The following ESRRB variants were observed in gnomAD, a reference collection of about 807,000 sequenced individuals.
ESRRB encodes estrogen related receptor beta.
In ESRRB, 16 loss-of-function variants were observed where a neutral mutation model predicts 46.0. That is an observed-to-expected ratio of 0.35 (90% confidence interval 0.24 to 0.53). The LOEUF is 0.53. Ranked by LOEUF, ESRRB falls within the 20% of genes least tolerant of loss-of-function variation. The pLI, the probability that ESRRB is intolerant of heterozygous loss-of-function variation, is 0.93. For missense variants in ESRRB, 488 were observed against 607.4 expected, an observed-to-expected ratio of 0.80 and a Z score of 2.07; for synonymous variants, 246 against 259.6, an observed-to-expected ratio of 0.95 and a Z score of 0.50.
chr14:76,498,315 T>C lies in ESRRB; in HGVS notation c.1222T>C (p.Trp408Arg), dbSNP rs2140063226. ...YELSQRHEEP[W>R]RTGKLLLTLP... ...GCTGAGCCAGCGCCATGAGGAGCCC[T>C]GGAGGACGGGCAAGCTGCTGCTGAC... Residue 408 changes from tryptophan (W) to arginine (R), a missense_variant, in exon 7 of 7, where the codon TGG becomes CGG. Coordinates refer to ENST00000644823, the MANE Select transcript of ESRRB (RefSeq NM_001379180.1). 3.1e-6 allele frequency: 5 copies of C among 1,610,746 alleles called. No individual in the cohort carries two copies. Among genetic ancestry groups the C allele is most frequent in the Non-Finnish European group, 4.2e-6 (5 of 1,178,596 alleles).
Position 76,499,705 on chromosome 14 carries a change from G to A in ESRRB, c.*1247G>A. The A allele has an allele frequency of 1.4e-6, 1 of 722,268 alleles. No homozygotes were observed. Among genetic ancestry groups the A allele is most frequent in the East Asian group, 2.6e-5 (1 of 37,874 alleles). The allele number at this position is 722,268 out of a possible 1,614,324, so 44.7% of individuals were successfully genotyped here. ...CCTGCAGTCCCCCTGGCTGTGCCAG[G>A]TAACCAACCGTCTTGGTTTGTCCAG... On this transcript the variant is annotated 3_prime_UTR_variant, in exon 7 of 7. Transcript: ENST00000644823.
chr14:76,423,832 TG>T (rs1887080605), intron 1 of ESRRB, among the ~76,000 whole-genome samples: 1 of 151,624 alleles, frequency 6.6e-6, no homozygotes, highest in Admixed American at 6.6e-5. Flanking sequence ...GGTGGGAGCG[TG>T]ATTGGTGTAG....
chr14:76,322,400 G>T (rs1236118925), intron 1 of ESRRB, among the ~76,000 whole-genome samples: 1 of 152,136 alleles, frequency 6.6e-6, no homozygotes, highest in Non-Finnish European at 1.5e-5. Flanking sequence ...AAGTGGCTGC[G>T]TCGCCAGGAG....
intron 1 of ESRRB, among the ~76,000 whole-genome samples, chr14:76,348,103 A>G (rs1042108429): frequency 6.6e-6 from 1 of 152,144 alleles, no homozygotes; most frequent in Non-Finnish European, 1.5e-5. Flanking sequence ...ATTACTTTCA[A>G]TGGCAAAAAC....
chr14:76,441,237 C>T (rs879580544), intron 2 of ESRRB, among the ~76,000 whole-genome samples: 2 of 152,204 alleles, frequency 1.3e-5, no homozygotes, highest in Non-Finnish European at 2.9e-5. Flanking sequence ...AATACATTTG[C>T]ATATCACCTG....
chr14:76,439,716 G>C lies in ESRRB; in HGVS notation c.426G>C (p.Glu142Asp). 1 of 1,614,066 alleles carries C rather than the reference G, an allele frequency of 6.2e-7. No individual in the cohort carries two copies. The highest frequency in any genetic ancestry group is 8.5e-7 in the Non-Finnish European group (1 of 1,179,892). Residue 142 changes from glutamate to aspartate, a missense_variant, in exon 2 of 7, where the codon GAG becomes GAC. Physicochemically the swap from Glu to Asp is conservative, Grantham distance 45. Coordinates refer to ENST00000644823, the MANE Select transcript of ESRRB (RefSeq NM_001379180.1). ...ACCACTACGGCGTGGCCTCCTGCGA[G>C]GCTTGCAAGGCCTTCTTCAAGAGGA... ...SGYHYGVASC[E>D]ACKAFFKRTI...
intron 1 of ESRRB, among the ~76,000 whole-genome samples, chr14:76,431,841 G>C (rs182865870): frequency 5.3e-5 from 8 of 152,042 alleles, no homozygotes; most frequent in Non-Finnish European, 8.8e-5. Flanking sequence ...GACACTCCCC[G>C]CTCCTCCCCA....
chr14:76,405,081 C>A (rs1444513993), intron 1 of ESRRB, among the ~76,000 whole-genome samples: 1 of 152,074 alleles, frequency 6.6e-6, no homozygotes. Context: ...GATGGGCTCG[C>A]AGATTTTGTT....
chr14:76,427,566 T>C (rs1209764097), intron 1 of ESRRB, among the ~76,000 whole-genome samples: 1 of 152,120 alleles, frequency 6.6e-6, no homozygotes, highest in African/African-American at 2.4e-5. Context: ...GGAAGATGCA[T>C]GGATGGATGA....
At chr14:76,418,711 G>T (rs112748540) in intron 1 of ESRRB, among the ~76,000 whole-genome samples, 11,807 of 151,854 alleles carry the variant, frequency 0.078, 596 homozygotes, top group East Asian at 0.19. Flanking sequence ...CACCTCCTGG[G>T]TTCAAGTGAT....
intron 1 of ESRRB, among the ~76,000 whole-genome samples, chr14:76,409,687 G>A (rs1886349484): frequency 6.6e-6 from 1 of 152,054 alleles, no homozygotes; most frequent in Non-Finnish European, 1.5e-5. Flanking sequence ...AACTGGCTTG[G>A]GGACCTCCCT....
chr14:76,445,048 T>A (rs564795723), intron 2 of ESRRB, among the ~76,000 whole-genome samples: 1 of 152,120 alleles, frequency 6.6e-6, no homozygotes, highest in East Asian at 1.9e-4. Context: ...GGCTCGTGCC[T>A]GTAATCCCTG....
At chr14:76,457,164 C>T (rs1439314489) in intron 2 of ESRRB, among the ~76,000 whole-genome samples, 1 of 152,094 alleles carries the variant, frequency 6.6e-6, no homozygotes, top group African/African-American at 2.4e-5. Flanking sequence ...GTGGTGGTTA[C>T]CCCTCTGCCT....
chr14:76,334,304 C>T (rs191376439), intron 1 of ESRRB, among the ~76,000 whole-genome samples: 60 of 152,096 alleles, frequency 3.9e-4, no homozygotes, highest in African/African-American at 1.4e-3. Flanking sequence ...GCGCAGAGCT[C>T]GAGAATATAC....
chr14:76,370,887 A>G (rs1884607254), upstream of ESRRB, among the ~76,000 whole-genome samples: 1 of 152,250 alleles, frequency 6.6e-6, no homozygotes, highest in Non-Finnish European at 1.5e-5. Context: ...GAACTTTAAT[A>G]TATCAATCAG....
intron 1 of ESRRB, among the ~76,000 whole-genome samples, chr14:76,377,975 G>A (rs550555192): frequency 6.7e-6 from 1 of 148,688 alleles, no homozygotes; most frequent in South Asian, 2.3e-4. Context: ...ATTTCCATCA[G>A]CTTGAAAAGT....
rs35021819 is a variant in ESRRB at position 76,385,213 on chromosome 14, GA to G, written c.50+8777del. Among the ~76,000 whole-genome samples the G allele has an allele frequency of 7.5e-3, 967 of 129,142 alleles. 4 individuals are homozygous for G. The highest frequency in any genetic ancestry group is 0.026 in the South Asian group (106 of 4,010). The allele number at this position is 129,142 out of a possible 152,430, so 84.7% of individuals were successfully genotyped here. On this transcript the variant is annotated intron_variant, in intron 1 of 6. Transcript: ENST00000644823. ...CTTACTCATAGTTTCTTTTCCTCAG[GA>G]AAAAAAAAAAAAAACAACCAAACCT...
chr14:76,494,817 T>G (rs570317801), intron 6 of ESRRB, among the ~76,000 whole-genome samples: 2 of 152,132 alleles, frequency 1.3e-5, no homozygotes, highest in Non-Finnish European at 2.9e-5. Flanking sequence ...CAAAGCCAGG[T>G]GCAGGAAGGC....
intron 1 of ESRRB, among the ~76,000 whole-genome samples, chr14:76,335,652 T>C (rs758388566): frequency 1.4e-4 from 21 of 152,208 alleles, no homozygotes; most frequent in Non-Finnish European, 2.5e-4. Flanking sequence ...GGGTGCTCAA[T>C]GATTGCTGGT....
Sources: allele counts gnomAD v4.1 joint callset (sites outside exome capture counted in the v4.1 genomes callset), GRCh38; gene constraint gnomAD v4.1.1; transcripts MANE v1.5; gene names NCBI Gene and HGNC (gene_info 2026-07-23, HGNC 2026-07-21).